The following GLIS1 variants were observed in gnomAD, a reference collection of about 807,000 sequenced individuals.
GLIS1 encodes the protein zinc finger protein GLIS1.
A neutral mutation model predicts 63.8 loss-of-function variants in GLIS1; 24 were observed. The observed-to-expected ratio is 0.38, with a 90% CI of 0.27 to 0.53. The LOEUF (loss-of-function observed/expected upper bound fraction) is 0.53. Ranked by LOEUF, GLIS1 falls within the 20% of genes least tolerant of loss-of-function variation. The pLI, the probability that GLIS1 is intolerant of heterozygous loss-of-function variation, is 0.85. For missense variants in GLIS1, 1,036 were observed against 1,074.1 expected (o/e 0.96, Z 0.50); for synonymous variants, 450 against 482.5 (o/e 0.93, Z 0.88).
At chr1:53,546,159 T>C (rs1268161388) in intron 4 of GLIS1, among the ~76,000 whole-genome samples, 1 of 152,242 alleles carries the variant, frequency 6.6e-6, no homozygotes, top group Non-Finnish European at 1.5e-5. Context: ...CAAGCTCCTG[T>C]TTCACACATG....
At position 53,667,238 on chromosome 1, in the gene GLIS1, C is replaced by T. The variant is rs1646102935; in HGVS notation, c.260-66960G>A. Among the ~76,000 whole-genome samples the T allele has an allele frequency of 2.0e-5, 3 of 152,246 alleles. 1 individual carries two copies. In the South Asian group the frequency reaches 6.2e-4, roughly 31 times the overall value. ...TGCACGCCCACAACGGCACTTAGTTCACTCCAGGTGTATCAACCCAAAGCT... is the reference window on the plus strand; with the variant it reads ...TGCACGCCCACAACGGCACTTAGTTTACTCCAGGTGTATCAACCCAAAGCT... On this transcript the variant is annotated intron_variant, in intron 2 of 10. Coordinates refer to ENST00000628545, the MANE Select transcript of GLIS1 (RefSeq NM_001367484.1).
intron 7 of GLIS1, among the ~76,000 whole-genome samples, chr1:53,520,376 G>A (rs558998280): frequency 6.6e-6 from 1 of 152,372 alleles, no homozygotes; most frequent in Admixed American, 6.5e-5. Context: ...GCTGAGACGG[G>A]TGAGGGCTTC....
Position 53,594,429 on chromosome 1 carries a change from C to A in GLIS1, c.999G>T (p.Gly333=). The A allele has an allele frequency of 6.2e-7, 1 of 1,612,764 alleles. No individual in the cohort carries two copies. Among genetic ancestry groups the A allele is most frequent in the African/African-American group, 1.3e-5 (1 of 75,058 alleles). Reference sequence around the variant, plus strand: ...GGGGCGGCAGGCCCTGCTGGTGAGGCCCAAAGAGCTCTGAAAACTCATCCG... The same window carrying A: ...GGGGCGGCAGGCCCTGCTGGTGAGGACCAAAGAGCTCTGAAAACTCATCCG... ...EPADEFSELF[G]PHQQGLPPPY... Residue 333 remains glycine (G), a synonymous_variant, in exon 4 of 11, where the codon GGG becomes GGT. Transcript: ENST00000628545.
chr1:53,583,746 G>A (rs1645107940), intron 4 of GLIS1, among the ~76,000 whole-genome samples: 1 of 152,228 alleles, frequency 6.6e-6, no homozygotes, highest in Non-Finnish European at 1.5e-5. Flanking sequence ...AGGAGGAGGG[G>A]CCGGGAAAGT....
At chr1:53,535,208 G>T (rs1224945177) in intron 4 of GLIS1, among the ~76,000 whole-genome samples, 1 of 152,104 alleles carries the variant, frequency 6.6e-6, no homozygotes, top group East Asian at 1.9e-4. Flanking sequence ...GGGGATTTTT[G>T]ATTCTAAAGA....
At chr1:53,702,934 A>G (rs1646539447) in intron 2 of GLIS1, among the ~76,000 whole-genome samples, 1 of 152,172 alleles carries the variant, frequency 6.6e-6, no homozygotes, top group South Asian at 2.1e-4. Flanking sequence ...CTGTCCCCCA[A>G]AAGGCCTCTG....
chr1:53,657,436 C>T (rs1282351235), intron 2 of GLIS1, among the ~76,000 whole-genome samples: 2 of 152,202 alleles, frequency 1.3e-5, no homozygotes, highest in African/African-American at 4.8e-5. Context: ...TTCCCCCGCC[C>T]CTTGGGTCTG....
At chr1:53,614,356 G>A (rs186841875) in intron 2 of GLIS1, among the ~76,000 whole-genome samples, 24 of 152,296 alleles carry the variant, frequency 1.6e-4, no homozygotes, top group Non-Finnish European at 3.2e-4. Context: ...AGAGGCCTGA[G>A]GGGAGGGAGG....
chr1:53,540,173 A>AT (rs1163567555), intron 4 of GLIS1, among the ~76,000 whole-genome samples: 2 of 152,114 alleles, frequency 1.3e-5, no homozygotes, highest in Non-Finnish European at 2.9e-5. Flanking sequence ...AGAGGCAGAC[A>AT]TAAGACCCCA....
chr1:53,698,719 C>T (rs1234770090), intron 2 of GLIS1, among the ~76,000 whole-genome samples: 1 of 152,200 alleles, frequency 6.6e-6, no homozygotes, highest in African/African-American at 2.4e-5. Flanking sequence ...CCAGGGATGC[C>T]CTCCAGACCT....
At chr1:53,597,345 C>G (rs2100541667) in intron 3 of GLIS1, among the ~76,000 whole-genome samples, 1 of 147,950 alleles carries the variant, frequency 6.8e-6, no homozygotes, top group African/African-American at 2.5e-5. Context: ...TGCACTCCAG[C>G]CTGGGCGACA....
intron 2 of GLIS1, among the ~76,000 whole-genome samples, chr1:53,603,305 G>A (rs1263502740): frequency 1.3e-5 from 2 of 152,136 alleles, no homozygotes; most frequent in African/African-American, 4.8e-5. Flanking sequence ...TTTGCAGAGG[G>A]ACACTGAGCA....
chr1:53,524,882 C>T lies in GLIS1; in HGVS notation c.1488G>A (p.Pro496=), dbSNP rs148036745. Residue 496 remains proline, a synonymous_variant, in exon 6 of 11, where the codon CCG becomes CCA. Coordinates refer to ENST00000628545, the MANE Select transcript of GLIS1 (RefSeq NM_001367484.1). The part of the protein sequence containing the change: ...KHQRTHLDTK[P]YACQIPGCSK... ...AGCAGCCAGGGATCTGACAGGCGTA[C>T]GGCTTCTGTAACATGGGGGGCACGG... 35 of 1,587,448 alleles carry T rather than the reference C, an allele frequency of 2.2e-5. No individual in the cohort carries two copies. Among genetic ancestry groups the T allele is most frequent in the African/African-American group, 1.9e-4 (14 of 74,900 alleles).
intron 2 of GLIS1, among the ~76,000 whole-genome samples, chr1:53,716,475 TA>T (rs58841471): frequency 0.012 from 1,867 of 151,374 alleles, 29 homozygotes; most frequent in African/African-American, 0.043. Context: ...CTGAAAGGAG[TA>T]ACAACAATCA....
intron 2 of GLIS1, among the ~76,000 whole-genome samples, chr1:53,650,613 C>T (rs1422358478): frequency 2.0e-5 from 3 of 148,740 alleles, no homozygotes; most frequent in African/African-American, 7.4e-5. Context: ...AAAAAGACCA[C>T]ACTTTAGGAA....
At chr1:53,567,637 C>T (rs185858312) in intron 4 of GLIS1, among the ~76,000 whole-genome samples, 41 of 152,308 alleles carry the variant, frequency 2.7e-4, no homozygotes, top group Non-Finnish European at 4.9e-4. Context: ...AAAATGGTTT[C>T]GTGGGCTGGG....
Position 53,506,682 on chromosome 1 carries a change from G to T in GLIS1, c.2325C>A (p.Phe775Leu). 1 of 1,613,628 alleles carries T rather than the reference G, an allele frequency of 6.2e-7. No homozygotes were observed. The highest frequency in any genetic ancestry group is 8.5e-7 in the Non-Finnish European group (1 of 1,180,028). The change falls in exon 11 of 11, where the codon TTC becomes TTA. Residue 775 changes from phenylalanine (F) to leucine (L), a missense_variant. By Grantham distance (22) the Phe-to-Leu change is conservative. Around this residue, in one of 3 missense-constraint regions of GLIS1, gnomAD observed 400 missense variants for 400.9 expected, o/e 1.00. Coordinates refer to ENST00000628545, the MANE Select transcript of GLIS1 (RefSeq NM_001367484.1). ...AGTGGTCAAAGGCTCCATTGGGGAA[G>T]AAGCCACAGTCCTCGGGGCCGCTGG... ...VVSSGPEDCG[F>L]FPNGAFDHCL...
intron 2 of GLIS1, among the ~76,000 whole-genome samples, chr1:53,710,375 C>A (rs1040412532): frequency 1.3e-5 from 2 of 152,262 alleles, no homozygotes; most frequent in African/African-American, 4.8e-5. Flanking sequence ...CGTGTCACAT[C>A]CTCTCGCATG....
At chr1:53,554,066 C>T (rs953891996) in intron 4 of GLIS1, among the ~76,000 whole-genome samples, 2 of 152,188 alleles carry the variant, frequency 1.3e-5, no homozygotes, top group African/African-American at 4.8e-5. Context: ...CCAGGCCCCT[C>T]GCCAGGGCCA....
Sources: allele counts gnomAD v4.1 joint callset (sites outside exome capture counted in the v4.1 genomes callset), GRCh38; gene constraint gnomAD v4.1.1; regional missense constraint gnomAD v4.1.1; transcripts MANE v1.5; gene names NCBI Gene and HGNC (gene_info 2026-07-23, HGNC 2026-07-21).